The following NRG1 variants were observed in gnomAD, a reference collection of about 807,000 sequenced individuals.
NRG1 encodes the protein neuregulin 1.
In NRG1, 18 loss-of-function variants were observed where a neutral mutation model predicts 63.8. That is an observed-to-expected ratio of 0.28 (90% CI 0.19 to 0.42). The LOEUF (loss-of-function observed/expected upper bound fraction) is 0.42. NRG1 is among the 10% of genes least tolerant of loss of function. The pLI is 1.00. For missense variants in NRG1, 762 were observed against 814.7 expected, an observed-to-expected ratio of 0.94 and a Z score of 0.79; for synonymous variants, 302 against 301.3, an observed-to-expected ratio of 1.00 and a Z score of -0.02.
At chr8:31,739,652 G>A (rs1235103566) in intron 1 of NRG1, among the ~76,000 whole-genome samples, 1 of 152,044 alleles carries the variant, frequency 6.6e-6, no homozygotes, top group Admixed American at 6.6e-5. Flanking sequence ...GCAAGAAAAT[G>A]GAGCAATGAC....
rs945988399 is a variant in NRG1 at position 31,682,828 on chromosome 8, T to C, written c.37+43397T>C. 2.6e-5 allele frequency among the ~76,000 whole-genome samples: 4 copies of C among 152,222 alleles called. No individual in the cohort carries two copies. In the South Asian group the frequency reaches 6.2e-4, roughly 24 times the overall value. On this transcript the variant is annotated intron_variant, in intron 1 of 10. Coordinates refer to the NRG1 transcript ENST00000519301. ...AAAACATACAAGCTAAATGATATAT[T>C]ACTTTGGGATACAACTGTGATAAAA...
At chr8:32,456,276 G>C (rs1044703997) in intron 1 of NRG1, among the ~76,000 whole-genome samples, 1 of 152,180 alleles carries the variant, frequency 6.6e-6, no homozygotes, top group African/African-American at 2.4e-5. Flanking sequence ...AAATCTCACA[G>C]TATTTTCTGA....
chr8:31,784,335 C>T (rs1163249683), intron 1 of NRG1, among the ~76,000 whole-genome samples: 1 of 152,182 alleles, frequency 6.6e-6, no homozygotes, highest in Non-Finnish European at 1.5e-5. Flanking sequence ...GAGCTAAGAG[C>T]TTCTGCATTC....
At chr8:32,350,056 C>T (rs35629470) in intron 1 of NRG1, among the ~76,000 whole-genome samples, 78,063 of 151,936 alleles carry the variant, frequency 0.51, 21,056 homozygotes, top group Non-Finnish European at 0.61. Context: ...GCGTGGGCAG[C>T]AGCTCTCCTG....
chr8:31,987,382 A>G (rs1472293782), intron 1 of NRG1, among the ~76,000 whole-genome samples: 1 of 148,888 alleles, frequency 6.7e-6, no homozygotes. Flanking sequence ...ATTTACCTGT[A>G]AGGTGTTAGT....
chr8:32,089,008 T>C (rs1177549634), intron 1 of NRG1, among the ~76,000 whole-genome samples: 1 of 152,186 alleles, frequency 6.6e-6, no homozygotes, highest in African/African-American at 2.4e-5. Context: ...TAAACTGTCA[T>C]GAAAACAGAT....
At chr8:32,503,129 C>CAA (rs61353704) in intron 1 of NRG1, among the ~76,000 whole-genome samples, 25,324 of 149,128 alleles carry the variant, frequency 0.17, 2,406 homozygotes, top group Non-Finnish European at 0.2. Flanking sequence ...ACTAAAAATA[C>CAA]AAAAAAAATT....
intron 5 of NRG1, among the ~76,000 whole-genome samples, chr8:32,691,936 A>G (rs781627078): frequency 2.0e-5 from 3 of 152,200 alleles, no homozygotes; most frequent in African/African-American, 4.8e-5. Context: ...TGACTTTATC[A>G]TGTCATCATA....
At chr8:32,559,121 A>G (rs967276575) in intron 1 of NRG1, among the ~76,000 whole-genome samples, 1 of 151,212 alleles carries the variant, frequency 6.6e-6, no homozygotes, top group African/African-American at 2.4e-5. Flanking sequence ...AACCATATCA[A>G]AAGAACAATT....
chr8:32,104,184 C>G (rs959239308), intron 1 of NRG1, among the ~76,000 whole-genome samples: 1 of 152,176 alleles, frequency 6.6e-6, no homozygotes, highest in Non-Finnish European at 1.5e-5. Flanking sequence ...GGTCTAGCCT[C>G]TTACTCCTAG....
chr8:31,949,223 T>C (rs188141643), intron 1 of NRG1, among the ~76,000 whole-genome samples: 1 of 152,220 alleles, frequency 6.6e-6, no homozygotes, highest in Admixed American at 6.5e-5. Flanking sequence ...TTATTATACC[T>C]ATTTTGCAGA....
intron 1 of NRG1, among the ~76,000 whole-genome samples, chr8:32,173,488 C>A (rs965470876): frequency 1.3e-5 from 2 of 152,162 alleles, no homozygotes; most frequent in African/African-American, 4.8e-5. Context: ...TCACACATAA[C>A]AATATTAACC....
chr8:32,745,323 G>A (rs1827212742), intron 7 of NRG1, among the ~76,000 whole-genome samples: 1 of 152,068 alleles, frequency 6.6e-6, no homozygotes, highest in African/African-American at 2.4e-5. Context: ...GCTTCAAAGA[G>A]AAACATTCAA....
At chr8:32,526,696 G>A (rs1345515596) in intron 1 of NRG1, among the ~76,000 whole-genome samples, 1 of 152,168 alleles carries the variant, frequency 6.6e-6, no homozygotes, top group African/African-American at 2.4e-5. Flanking sequence ...GCACAATCCA[G>A]TGAACTATCC....
At chr8:32,531,750 A>T (rs1831474019) in intron 1 of NRG1, among the ~76,000 whole-genome samples, 1 of 152,200 alleles carries the variant, frequency 6.6e-6, no homozygotes, top group Admixed American at 6.5e-5. Flanking sequence ...GCATCTATAA[A>T]ATGAGAAAGC....
In NRG1 at chr8:32,061,488, C is replaced by T. The variant is rs375225816; in HGVS notation, c.37+422057C>T. Among the ~76,000 whole-genome samples, 29 of 152,050 alleles carry T rather than the reference C, an allele frequency of 1.9e-4. 1 individual carries two copies. In the South Asian group the frequency reaches 6.0e-3, roughly 32 times the overall value. The stretch of plus-strand genomic sequence containing the variant: ...CCCAAGATGCTACAACAATACCAGA[C>T]AATTCCAGATATTCCCGCCTTCCAC... On this transcript the variant is annotated intron_variant, in intron 1 of 10. Transcript: ENST00000519301.
chr8:32,677,645 A>G (rs1043253159), intron 5 of NRG1, among the ~76,000 whole-genome samples: 2 of 152,182 alleles, frequency 1.3e-5, no homozygotes, highest in African/African-American at 4.8e-5. Flanking sequence ...TGACAGAGCC[A>G]GACCCTGTCT....
At position 31,949,608 on chromosome 8, in the gene NRG1, T is replaced by C. The variant is rs1803154729; in HGVS notation, c.37+310177T>C. Among the ~76,000 whole-genome samples, 4 of 152,212 alleles carry C rather than the reference T, an allele frequency of 2.6e-5. 1 individual carries two copies. The South Asian group carries it at 8.3e-4, about 31-fold the overall frequency. ...GTTTCCTCTGGAATCATGAGCTGCTTATCTCCATTTGATAGCACCTCTTCC... is the reference window on the plus strand; with the variant it reads ...GTTTCCTCTGGAATCATGAGCTGCTCATCTCCATTTGATAGCACCTCTTCC... On this transcript the variant is annotated intron_variant, in intron 1 of 10. Transcript: ENST00000519301.
At chr8:32,243,497 CT>C (rs1848322815) in intron 1 of NRG1, among the ~76,000 whole-genome samples, 1 of 151,048 alleles carries the variant, frequency 6.6e-6, no homozygotes, top group East Asian at 1.9e-4. Flanking sequence ...CTCATTTTAA[CT>C]TGATGAGCTC....
Sources: gnomAD v4.1 joint callset for allele counts (sites outside exome capture counted in the v4.1 genomes callset) on GRCh38, gnomAD v4.1.1 for gene constraint, MANE v1.5 for transcripts, NCBI Gene and HGNC (gene_info 2026-07-23, HGNC 2026-07-21) for gene names.